Variants in MYLK4 observed in about 807,000 individuals in gnomAD.
MYLK4 encodes myosin light chain kinase family member 4, also known as caMLCK like.
Under a neutral mutation model 48.1 loss-of-function variants are expected in MYLK4, and 46 were observed. The ratio of observed to expected loss-of-function variants is 0.96; its 90% CI spans 0.75 to 1.22. MYLK4 has a LOEUF of 1.22. MYLK4 is among the 50% of genes most tolerant of loss of function. The probability of loss-of-function intolerance (pLI) is 0.00; values close to 1 mark genes in which losing one functional copy is unlikely to be tolerated. For missense variants in MYLK4, 451 were observed against 486.1 expected (o/e 0.93, Z 0.68); for synonymous variants, 170 against 180.8 (o/e 0.94, Z 0.48).
intron 6 of MYLK4, among the ~76,000 whole-genome samples, chr6:2,683,568 C>A (rs1022392124): frequency 6.6e-6 from 1 of 152,048 alleles, no homozygotes; most frequent in Non-Finnish European, 1.5e-5. Flanking sequence ...TAGAGGCATG[C>A]GCCACCATGC....
At chr6:2,703,276 A>C (rs1342698329) in intron 2 of MYLK4, among the ~76,000 whole-genome samples, 1 of 152,216 alleles carries the variant, frequency 6.6e-6, no homozygotes. Flanking sequence ...CCACAACAAC[A>C]GGCTGTTGGC....
At chr6:2,692,184 C>T (rs1761828911) in intron 3 of MYLK4, among the ~76,000 whole-genome samples, 2 of 152,148 alleles carry the variant, frequency 1.3e-5, no homozygotes, top group Admixed American at 1.3e-4. Context: ...GCTGTTCATT[C>T]CCAGCACTAT....
intron 2 of MYLK4, among the ~76,000 whole-genome samples, chr6:2,734,669 A>G (rs2113337566): frequency 1.3e-5 from 2 of 152,314 alleles, no homozygotes; most frequent in South Asian, 4.1e-4. Context: ...ACATGTATAT[A>G]TGTGTGTGTA....
In MYLK4 at chr6:2,678,170, C is replaced by T. The variant is rs1761150404; in HGVS notation, c.1040+50G>A. 5.0e-6 allele frequency: 8 copies of T among 1,592,840 alleles called. No homozygotes were observed. The Admixed American group carries it at 1.0e-4, about 21-fold the overall frequency. ...CGAACAGCCCTGGTGGTAGGCCCTG[C>T]TTCCTTATCATCCCTACTGCGCCCG... On this transcript the variant is annotated intron_variant, in intron 10 of 12. Coordinates refer to ENST00000274643, the MANE Select transcript of MYLK4 (RefSeq NM_001012418.5).
the MYLK4 span, among the ~76,000 whole-genome samples, chr6:2,769,504 A>ATT: frequency 6.6e-6 from 1 of 151,902 alleles, no homozygotes; most frequent in Admixed American, 6.6e-5. Context: ...ACTTTAAAAA[A>ATT]TTTTTTTTTG....
chr6:2,696,622 C>A (rs1323654469), intron 2 of MYLK4, among the ~76,000 whole-genome samples: 1 of 152,196 alleles, frequency 6.6e-6, no homozygotes, highest in Non-Finnish European at 1.5e-5. Flanking sequence ...GTTGTTTAAA[C>A]CACCCAGTCC....
chr6:2,762,774 G>A, the MYLK4 span, among the ~76,000 whole-genome samples: 9 of 152,274 alleles, frequency 5.9e-5, no homozygotes, highest in East Asian at 9.7e-4. Flanking sequence ...TGATCTCGCC[G>A]GCTCAGAAAT....
At chr6:2,717,560 C>G (rs1762912869) in intron 2 of MYLK4, among the ~76,000 whole-genome samples, 1 of 152,228 alleles carries the variant, frequency 6.6e-6, no homozygotes, top group Non-Finnish European at 1.5e-5. Context: ...TGGGATTAGA[C>G]TGTAATCTTG....
chr6:2,729,397 G>A (rs978987581), intron 2 of MYLK4, among the ~76,000 whole-genome samples: 1 of 152,212 alleles, frequency 6.6e-6, no homozygotes, highest in Non-Finnish European at 1.5e-5. Flanking sequence ...GTCGGCTGTG[G>A]GACACAGAGA....
At chr6:2,737,977 C>CGGGGGGGGGGGGGG (rs1158504264) in intron 2 of MYLK4, among the ~76,000 whole-genome samples, 2 of 2,534 alleles carry the variant, frequency 7.9e-4, no homozygotes, top group Admixed American at 8.3e-3. Flanking sequence ...GTGCCGGGGG[C>CGGGGGGGGGGGGGG]GGGTGGGGGG....
intron 2 of MYLK4, among the ~76,000 whole-genome samples, chr6:2,723,285 C>T (rs551111186): frequency 2.0e-5 from 3 of 152,064 alleles, no homozygotes; most frequent in Admixed American, 1.3e-4. Context: ...GGAGTCAGAC[C>T]CTGTCTCAAA....
chr6:2,741,368 G>T (rs546317972), intron 2 of MYLK4, among the ~76,000 whole-genome samples: 18 of 152,238 alleles, frequency 1.2e-4, no homozygotes, highest in African/African-American at 4.1e-4. Context: ...CTTTCAGGGA[G>T]AGCAAATAAA....
chr6:2,685,523 A>G lies in MYLK4; in HGVS notation c.395T>C (p.Leu132Pro), dbSNP rs770921467. 6.2e-7 allele frequency: 1 copy of G among 1,614,150 alleles called. No homozygotes were observed. Among genetic ancestry groups the G allele is most frequent in the Non-Finnish European group, 8.5e-7 (1 of 1,180,028 alleles). ...TCTGGTCTTGATGATTTTGGCTGCC[A>G]GCTTCAGACCTGTGGCCGTCTCCTC... ...KCEETATGLK[L>P]AAKIIKTRGM... The change falls in exon 5 of 13, where the codon CTG becomes CCG. Residue 132 changes from leucine (L) to proline (P), a missense_variant. Coordinates refer to ENST00000274643, the MANE Select transcript of MYLK4 (RefSeq NM_001012418.5). This position sits in a 1 kb window ranked among gnomAD's most constrained non-coding sequence, Gnocchi z 4.5.
intron 2 of MYLK4, among the ~76,000 whole-genome samples, chr6:2,718,845 T>C (rs1762962912): frequency 6.6e-6 from 1 of 152,238 alleles, no homozygotes. Context: ...ATGTAATTTC[T>C]CAACAGGAAA....
chr6:2,693,947 C>A (rs950685619), intron 2 of MYLK4, among the ~76,000 whole-genome samples: 1 of 151,922 alleles, frequency 6.6e-6, no homozygotes, highest in African/African-American at 2.4e-5. Context: ...TCAGTAGAGA[C>A]GGGGTTTTGC....
At chr6:2,699,710 C>T (rs529800762) in intron 2 of MYLK4, among the ~76,000 whole-genome samples, 2 of 152,126 alleles carry the variant, frequency 1.3e-5, no homozygotes, top group African/African-American at 2.4e-5. Flanking sequence ...TATAAATATA[C>T]TTCCAAGTTT....
intron 2 of MYLK4, among the ~76,000 whole-genome samples, chr6:2,737,985 G>A (rs1160971423): frequency 1.1e-4 from 13 of 116,464 alleles, no homozygotes; most frequent in African/African-American, 4.1e-4. Flanking sequence ...GGCGGGTGGG[G>A]GGGGGGTGGT....
rs192548782 is a variant in MYLK4, at chr6:2,734,724, T to G, written c.159+14412A>C. On this transcript the variant is annotated intron_variant, in intron 2 of 12. Coordinates refer to ENST00000274643, the MANE Select transcript of MYLK4 (RefSeq NM_001012418.5). ...TGAATATTACTTAGGTAAGCATATA[T>G]TCACAACTGCAGTAGTATGTTACCT... Among the ~76,000 whole-genome samples the G allele has an allele frequency of 1.6e-4, 24 of 152,296 alleles. No homozygotes were observed. In the East Asian group the frequency reaches 3.3e-3, roughly 21 times the overall value.
chr6:2,719,745 G>A (rs4959207), intron 2 of MYLK4, among the ~76,000 whole-genome samples: 97,221 of 152,010 alleles, frequency 0.64, 31,378 homozygotes, highest in South Asian at 0.72. Flanking sequence ...TTGTATTCCA[G>A]GCCTGTAAAT....
Sources: allele counts gnomAD v4.1 joint callset (sites outside exome capture counted in the v4.1 genomes callset), GRCh38; gene constraint gnomAD v4.1.1; non-coding constraint Gnocchi (gnomAD v3.1); transcripts MANE v1.5; gene names NCBI Gene and HGNC (gene_info 2026-07-23, HGNC 2026-07-21).